Variants in CERS6 observed in about 807,000 individuals in gnomAD.
The protein encoded by CERS6 is LAG1 homolog, ceramide synthase 6.
In CERS6, 26 loss-of-function variants were observed where a neutral mutation model predicts 56.8. The observed-to-expected ratio is 0.46, with a 90% CI of 0.34 to 0.63. The LOEUF is 0.63. Among genes scored for constraint, CERS6 ranks in the 30% least tolerant of loss-of-function variants. CERS6 has a pLI of 0.01. For synonymous variants in CERS6, 164 were observed against 173.3 expected (o/e 0.95, Z 0.42); for missense variants, 415 against 467.5 (o/e 0.89, Z 1.04).
In CERS6 at chr2:168,456,699, C is replaced by A; in HGVS notation, c.170+81C>A. On this transcript the variant is annotated intron_variant, in intron 1 of 9. Coordinates refer to ENST00000305747, the MANE Select transcript of CERS6 (RefSeq NM_203463.3). The surrounding 1 kb of genome is among the most constrained non-coding windows in gnomAD (Gnocchi z 4.1). ...ACACTCGCGCGCTCTCTGGCGCACG[C>A]CCCCGCGCCCCCAACGCTCGCGTTC... The A allele has an allele frequency of 7.4e-7, 1 of 1,354,770 alleles. No individual in the cohort carries two copies. The highest frequency in any genetic ancestry group is 1.0e-6 in the Non-Finnish European group (1 of 980,170). 83.9% of individuals were successfully genotyped at this position (1,354,770 alleles called of 1,614,324 possible).
intron 1 of CERS6, among the ~76,000 whole-genome samples, chr2:168,525,250 A>C (rs1695050564): frequency 6.6e-6 from 1 of 152,224 alleles, no homozygotes; most frequent in African/African-American, 2.4e-5. Flanking sequence ...CCAGGTTGCT[A>C]GGCCCCACGC....
At chr2:168,534,365 G>C (rs546130004) in intron 1 of CERS6, among the ~76,000 whole-genome samples, 1 of 148,596 alleles carries the variant, frequency 6.7e-6, no homozygotes, top group Non-Finnish European at 1.5e-5. Flanking sequence ...GTCTAGTTTC[G>C]ATCTTTGAAC....
At chr2:168,635,625 T>C (rs1684845026) in intron 4 of CERS6, among the ~76,000 whole-genome samples, 1 of 152,222 alleles carries the variant, frequency 6.6e-6, no homozygotes, top group Non-Finnish European at 1.5e-5. Flanking sequence ...TGCTGCATTC[T>C]GAAATGTACT....
Position 168,712,928 on chromosome 2 carries a change from A to G in CERS6, c.610-2073A>G, listed in dbSNP as rs867220295. On this transcript the variant is annotated intron_variant, in intron 6 of 9. Coordinates refer to ENST00000305747, the MANE Select transcript of CERS6 (RefSeq NM_203463.3). ...GCCCCTCTGTGTACTATTATAGTCT[A>G]TCTCCCCCAGCAACCAGGACTCCTC... 4.6e-5 allele frequency among the ~76,000 whole-genome samples: 7 copies of G among 152,114 alleles called. No homozygotes were observed. The Middle Eastern group carries it at 0.01, about 222-fold the overall frequency.
chr2:168,637,200 A>G (rs1376642328), intron 4 of CERS6, among the ~76,000 whole-genome samples: 1 of 152,138 alleles, frequency 6.6e-6, no homozygotes, highest in Non-Finnish European at 1.5e-5. Context: ...AAAAATTGCC[A>G]GGCACGGTGG....
In CERS6 at chr2:168,612,918, A is replaced by G. The variant is rs564175356; in HGVS notation, c.408-18067A>G. Among the ~76,000 whole-genome samples, 109 of 152,318 alleles carry G rather than the reference A, an allele frequency of 7.2e-4. 1 individual carries two copies. Among genetic ancestry groups the G allele is most frequent in the African/African-American group, 2.3e-3 (96 of 41,576 alleles). On this transcript the variant is annotated intron_variant, in intron 3 of 9. Transcript: ENST00000305747. ...GTGACTGCTCTGTCATGATTAATCA[A>G]TTGACAGCCTGGCTTACAGGTCTGG... is the stretch of plus-strand genomic sequence containing the variant.
intron 3 of CERS6, among the ~76,000 whole-genome samples, chr2:168,621,603 G>A (rs759702063): frequency 6.6e-5 from 10 of 152,256 alleles, no homozygotes; most frequent in South Asian, 4.1e-4. Flanking sequence ...GAAGACTAAC[G>A]GGAAGGGACA....
chr2:168,679,985 G>A (rs938692446), intron 4 of CERS6, among the ~76,000 whole-genome samples: 4 of 152,322 alleles, frequency 2.6e-5, no homozygotes, highest in Non-Finnish European at 5.9e-5. Context: ...CCGCAGGGAA[G>A]CATGATAAGC....
chr2:168,616,390 A>G (rs1483646351), intron 3 of CERS6, among the ~76,000 whole-genome samples: 2 of 152,220 alleles, frequency 1.3e-5, no homozygotes, highest in Non-Finnish European at 2.9e-5. Flanking sequence ...ACATCTCAAT[A>G]CTAACATTGA....
At chr2:168,763,848 G>A (rs1211706581) in intron 8 of CERS6, among the ~76,000 whole-genome samples, 2 of 152,132 alleles carry the variant, frequency 1.3e-5, no homozygotes, top group Non-Finnish European at 2.9e-5. Flanking sequence ...GTAAGCTGAG[G>A]AGGAGAGCAG....
At chr2:168,587,044 G>A (rs961547265) in intron 3 of CERS6, among the ~76,000 whole-genome samples, 3 of 152,070 alleles carry the variant, frequency 2.0e-5, no homozygotes, top group Non-Finnish European at 2.9e-5. Context: ...GTTGGTGTGC[G>A]CCTGTAGTCC....
chr2:168,645,999 G>GAAC, intron 4 of CERS6, among the ~76,000 whole-genome samples: 1 of 152,204 alleles, frequency 6.6e-6, no homozygotes, highest in South Asian at 2.1e-4. Flanking sequence ...TGCAGTGAAC[G>GAAC]TTCACATGCA....
At chr2:168,669,170 C>G (rs1282547632) in intron 4 of CERS6, among the ~76,000 whole-genome samples, 1 of 152,202 alleles carries the variant, frequency 6.6e-6, no homozygotes, top group Non-Finnish European at 1.5e-5. Context: ...GACTCTCTGT[C>G]TTTATGCTCT....
At chr2:168,691,560 A>G (rs962488684) in intron 5 of CERS6, among the ~76,000 whole-genome samples, 2 of 152,160 alleles carry the variant, frequency 1.3e-5, no homozygotes, top group Admixed American at 1.3e-4. Flanking sequence ...GTGCAGAAAA[A>G]TGGGCTTGTA....
intron 4 of CERS6, among the ~76,000 whole-genome samples, chr2:168,665,952 CTG>C (rs58913968): frequency 0.14 from 19,562 of 142,994 alleles, 1,355 homozygotes; most frequent in South Asian, 0.2. Context: ...AATTAGTAGA[CTG>C]TGTGTGTGTG....
intron 3 of CERS6, among the ~76,000 whole-genome samples, chr2:168,600,970 G>C (rs1477839245): frequency 6.6e-6 from 1 of 152,106 alleles, no homozygotes; most frequent in East Asian, 1.9e-4. Flanking sequence ...AAAAGTATTA[G>C]ATCCTAACAG....
intron 8 of CERS6, among the ~76,000 whole-genome samples, chr2:168,755,714 G>T (rs190161159): frequency 6.6e-6 from 1 of 152,232 alleles, no homozygotes; most frequent in Non-Finnish European, 1.5e-5. Flanking sequence ...TGTTTCTGCT[G>T]TAAATAGCCA....
At chr2:168,561,354 G>C in intron 3 of CERS6, 32 bp downstream of exon 3, 1 of 1,613,438 alleles carries the variant, frequency 6.2e-7, no homozygotes. Context: ...TGAAAGAAAA[G>C]ACCTAAGTAC....
chr2:168,741,735 G>C (rs1263797558), intron 8 of CERS6, among the ~76,000 whole-genome samples: 1 of 152,190 alleles, frequency 6.6e-6, no homozygotes, highest in Non-Finnish European at 1.5e-5. Flanking sequence ...ACAGGGCCTA[G>C]CTCAGGCAGG....
Sources: allele counts gnomAD v4.1 joint callset (sites outside exome capture counted in the v4.1 genomes callset), GRCh38; gene constraint gnomAD v4.1.1; non-coding constraint Gnocchi (gnomAD v3.1); transcripts MANE v1.5; gene names NCBI Gene and HGNC (gene_info 2026-07-23, HGNC 2026-07-21).